TGFB3: variants seen among roughly 807,000 people sequenced by gnomAD.
TGFB3 encodes transforming growth factor beta-3 proprotein.
Under a neutral mutation model 40.1 loss-of-function variants are expected in TGFB3, and 5 were observed. The observed-to-expected ratio is 0.12, with a 90% CI of 0.07 to 0.26. The LOEUF (loss-of-function observed/expected upper bound fraction) is 0.26. TGFB3 is among the 10% of genes least tolerant of loss of function. The probability of loss-of-function intolerance (pLI) is 1.00; values close to 1 mark genes in which losing one functional copy is unlikely to be tolerated. For synonymous variants in TGFB3, 184 were observed against 205.6 expected, an observed-to-expected ratio of 0.89 and a Z score of 0.90; for missense variants, 373 against 530.1, an observed-to-expected ratio of 0.70 and a Z score of 2.91.
At chr14:75,964,246 CAAGAT>C (rs2035194990) in intron 4 of TGFB3, among the ~76,000 whole-genome samples, 1 of 151,958 alleles carries the variant, frequency 6.6e-6, no homozygotes, top group South Asian at 2.1e-4. Flanking sequence ...GTGAATGGAC[CAAGAT>C]AACGCAGAAG....
Position 75,973,988 on chromosome 14 carries a change from A to G in TGFB3, c.353-2270T>C, listed in dbSNP as rs376390750. On this transcript the variant is annotated intron_variant, in intron 1 of 6. Transcript: ENST00000238682. The stretch of plus-strand genomic sequence containing the variant: ...AACCCTGTCTCTACTAAAAATATGA[A>G]AATTAGCCAGGCCTGGTGGTGCGTG... 4.0e-4 allele frequency among the ~76,000 whole-genome samples: 61 copies of G among 152,226 alleles called. 2 individuals carry two copies. In the South Asian group the frequency reaches 0.011, roughly 26 times the overall value.
chr14:75,965,223 T>C lies in TGFB3; in HGVS notation c.754+365A>G, dbSNP rs183663844. Among the ~76,000 whole-genome samples, 261 of 152,326 alleles carry C rather than the reference T, an allele frequency of 1.7e-3. 3 individuals are homozygous for C. The highest frequency in any genetic ancestry group is 4.0e-4 in the Non-Finnish European group (27 of 68,030). On this transcript the variant is annotated intron_variant, in intron 4 of 6. Coordinates refer to ENST00000238682, the MANE Select transcript of TGFB3 (RefSeq NM_003239.5). ...AGGGAGGAGGAAGACAAGTCCTATC[T>C]GTTGAGCATTTCTGGCACTGTGTTC...
At chr14:75,962,015 C>A (rs1192510070) in intron 5 of TGFB3, among the ~76,000 whole-genome samples, 1 of 152,196 alleles carries the variant, frequency 6.6e-6, no homozygotes, top group East Asian at 1.9e-4. Flanking sequence ...TGGCTCTTCC[C>A]CTTCCCTCAT....
Position 75,981,399 on chromosome 14 carries a change from G to A in TGFB3, c.-506C>T, listed in dbSNP as rs2035430753. On this transcript the variant is annotated 5_prime_UTR_variant, in exon 1 of 7. Transcript: ENST00000238682. The surrounding 1 kb of genome is among the most constrained non-coding windows in gnomAD (Gnocchi z 4.7). ...CTTGCCTTGAAAGAAAATAAGAAAA[G>A]AGAATGGAAAAGAAAAGGGAAAAAA... 1.2e-5 allele frequency: 2 copies of A among 168,320 alleles called. No homozygotes were observed. Among genetic ancestry groups the A allele is most frequent in the Admixed American group, 1.1e-4 (2 of 17,610 alleles). The allele number at this position is 168,320 out of a possible 1,614,324, so 10.4% of individuals were successfully genotyped here. A position where few individuals can be genotyped will look rare whatever the true frequency, so the allele number is the denominator to read the frequency against.
Position 75,979,430 on chromosome 14 carries a change from C to T in TGFB3, c.352+1112G>A, listed in dbSNP as rs998450290. ...TGGGCCTGGGCTGAGGTAGTCAGGG[C>T]GGCGAGGACACCTGCTGGTAGGAAA... On this transcript the variant is annotated intron_variant, in intron 1 of 6. Transcript: ENST00000238682. The surrounding 1 kb of genome is among the most constrained non-coding windows in gnomAD (Gnocchi z 4.8). Among the ~76,000 whole-genome samples, 2 of 152,112 alleles carry T rather than the reference C, an allele frequency of 1.3e-5. No homozygotes were observed. Among genetic ancestry groups the T allele is most frequent in the South Asian group, 2.1e-4 (1 of 4,822 alleles).
intron 3 of TGFB3, among the ~76,000 whole-genome samples, chr14:75,968,304 C>T (rs1309711873): frequency 6.6e-6 from 1 of 152,092 alleles, no homozygotes; most frequent in African/African-American, 2.4e-5. Context: ...TAAGTACAAA[C>T]CTGTGTGATG....
chr14:75,980,546 C>T lies in TGFB3; in HGVS notation c.348G>A (p.Glu116=), dbSNP rs780253883. The change falls in exon 1 of 7, where the codon GAG becomes GAA. Residue 116 remains glutamate (E), a synonymous_variant. Transcript: ENST00000238682. This position sits in a 1 kb window ranked among gnomAD's most constrained non-coding sequence, Gnocchi z 4.3. The part of the protein sequence containing the change: ...HKFDMIQGLA[E]HNELAVCPKG... ...CCAGCGAGAATTTGGACTTACTGTGCTCCGCCAGCCCCTGGATCATGTCGA... is the reference window on the plus strand; with the variant it reads ...CCAGCGAGAATTTGGACTTACTGTGTTCCGCCAGCCCCTGGATCATGTCGA... 2.5e-6 allele frequency: 4 copies of T among 1,614,212 alleles called. No individual in the cohort carries two copies. The African/African-American group carries it at 4.0e-5, about 16-fold the overall frequency.
chr14:75,970,124 G>A (rs960508930), intron 3 of TGFB3, among the ~76,000 whole-genome samples: 2 of 152,126 alleles, frequency 1.3e-5, no homozygotes, highest in Non-Finnish European at 2.9e-5. Context: ...GTTCTCCTAG[G>A]CTCTTGACTT....
In TGFB3 at chr14:75,971,299, G is replaced by GTGC. The variant is rs767299618; in HGVS notation, c.517-47_517-45dup. On this transcript the variant is annotated intron_variant, in intron 2 of 6. Coordinates refer to ENST00000238682, the MANE Select transcript of TGFB3 (RefSeq NM_003239.5). This position sits in a 1 kb window ranked among gnomAD's most constrained non-coding sequence, Gnocchi z 4.5. ...AGTGAGTACCCGAGACCAGGACAGA[G>GTGC]TGCCCCAGAAGATGTCACAATGCAG... 6.2e-7 allele frequency: 1 copy of GTGC among 1,613,546 alleles called. No homozygotes were observed. The highest frequency in any genetic ancestry group is 8.5e-7 in the Non-Finnish European group (1 of 1,179,880).
At chr14:75,960,870 G>A (rs781315120) in intron 6 of TGFB3, 53 bp downstream of exon 6, 1 of 1,611,090 alleles carries the variant, frequency 6.2e-7, no homozygotes, top group Non-Finnish European at 8.5e-7. Context: ...TTTTTAACAA[G>A]TGGTCTGGTC....
intron 3 of TGFB3, chr14:75,970,583 TAATA>T (rs949499033): frequency 6.9e-6 from 1 of 145,942 alleles, no homozygotes; most frequent in Non-Finnish European, 1.5e-5. Context: ...ATAATAATAA[TAATA>T]ATAATAATAA....
Position 75,965,600 on chromosome 14 carries a change from T to A in TGFB3, c.742A>T (p.Ile248Phe), listed in dbSNP as rs2035211931. The stretch of plus-strand genomic sequence containing the variant: ...TTCATTTTGTTACCTTTGAATTTGA[T>A]TTCCATCACCTCGTGAATGTTTTCC... Reference protein sequence around the residue: ...ILENIHEVMEIKFKGVDNEDD... With the variant: ...ILENIHEVMEFKFKGVDNEDD... The change falls in exon 4 of 7, where the codon ATC becomes TTC. Residue 248 changes from isoleucine (I) to phenylalanine (F), a missense_variant. Ile to Phe is a conservative substitution (Grantham distance 21). Transcript: ENST00000238682. 6.2e-7 allele frequency: 1 copy of A among 1,613,712 alleles called. No homozygotes were observed. Among genetic ancestry groups the A allele is most frequent in the Non-Finnish European group, 8.5e-7 (1 of 1,179,550 alleles).
chr14:75,963,113 G>A, intron 5 of TGFB3: 2 of 668,150 alleles, frequency 3.0e-6, no homozygotes, highest in Non-Finnish European at 5.3e-6. Context: ...GTTAGCCTAT[G>A]GAAAAACAGT....
intron 3 of TGFB3, among the ~76,000 whole-genome samples, chr14:75,969,679 A>G (rs2140243769): frequency 6.6e-6 from 1 of 152,318 alleles, no homozygotes; most frequent in African/African-American, 2.4e-5. Context: ...ATATGCCTCC[A>G]GGATAGCTCT....
intron 1 of TGFB3, among the ~76,000 whole-genome samples, chr14:75,975,902 G>A (rs2035348680): frequency 1.3e-5 from 2 of 152,200 alleles, no homozygotes; most frequent in Non-Finnish European, 2.9e-5. Context: ...CAGAACACTA[G>A]TATTATTGAG....
At position 75,965,763 on chromosome 14, in the gene TGFB3, T is replaced by C. The variant is rs771158325; in HGVS notation, c.647-68A>G. 1,017 of 1,318,542 alleles carry C rather than the reference T, an allele frequency of 7.7e-4. 5 individuals are homozygous for C. Among genetic ancestry groups the C allele is most frequent in the Non-Finnish European group, 6.4e-4 (585 of 917,600 alleles). The allele number at this position is 1,318,542 out of a possible 1,614,324, so 81.7% of individuals were successfully genotyped here. A position where few individuals can be genotyped will look rare whatever the true frequency, so the allele number is the denominator to read the frequency against. On this transcript the variant is annotated intron_variant, in intron 3 of 6. Coordinates refer to ENST00000238682, the MANE Select transcript of TGFB3 (RefSeq NM_003239.5). ...GATGGGGAAGTGTGCCCACCACCCATGCAAGGGTGAGCCAGGGCCTCTGCT... is the reference window on the plus strand; with the variant it reads ...GATGGGGAAGTGTGCCCACCACCCACGCAAGGGTGAGCCAGGGCCTCTGCT...
chr14:75,971,378 C>T lies in TGFB3; in HGVS notation c.517-123G>A, dbSNP rs762371791. ...AGTGGTTCCTGAATGCCATGGCCCT[C>T]GAGCACCTTAGCTAACTCTTAAGTG... On this transcript the variant is annotated intron_variant, in intron 2 of 6. Coordinates refer to ENST00000238682, the MANE Select transcript of TGFB3 (RefSeq NM_003239.5). This position sits in a 1 kb window ranked among gnomAD's most constrained non-coding sequence, Gnocchi z 4.5. 5 of 1,541,578 alleles carry T rather than the reference C, an allele frequency of 3.2e-6. No homozygotes were observed. The highest frequency in any genetic ancestry group is 3.5e-6 in the Non-Finnish European group (4 of 1,128,522).
Position 75,965,598 on chromosome 14 carries a change from G to T in TGFB3, c.744C>A (p.Ile248=), listed in dbSNP as rs45477900. 3,249 of 1,613,312 alleles carry T rather than the reference G, an allele frequency of 2.0e-3. 3 individuals carry two copies. The highest frequency in any genetic ancestry group is 2.4e-3 in the Non-Finnish European group (2,816 of 1,179,272). Residue 248 remains isoleucine, a synonymous_variant, in exon 4 of 7, where the codon ATC becomes ATA. Coordinates refer to ENST00000238682, the MANE Select transcript of TGFB3 (RefSeq NM_003239.5). ...ILENIHEVME[I]KFKGVDNEDD... ...CATTCATTTTGTTACCTTTGAATTT[G>T]ATTTCCATCACCTCGTGAATGTTTT...
Position 75,962,288 on chromosome 14 carries a change from G to A in TGFB3, c.926+1028C>T, listed in dbSNP as rs369808471. ...TTCGTTCCTAACTGATAACTGATTC[G>A]TTCCTAACTGATTTGTTCCTAACTG... On this transcript the variant is annotated intron_variant, in intron 5 of 6. Coordinates refer to ENST00000238682, the MANE Select transcript of TGFB3 (RefSeq NM_003239.5). 1.6e-3 allele frequency among the ~76,000 whole-genome samples: 251 copies of A among 152,154 alleles called. 4 individuals are homozygous for A. The South Asian group carries it at 0.027, about 16-fold the overall frequency.
Sources: gnomAD v4.1 joint callset for allele counts (sites outside exome capture counted in the v4.1 genomes callset) on GRCh38, gnomAD v4.1.1 for gene constraint, Gnocchi (gnomAD v3.1) non-coding constraint, MANE v1.5 for transcripts, NCBI Gene and HGNC (gene_info 2026-07-23, HGNC 2026-07-21) for gene names.